CCDC170: variants seen among roughly 807,000 people sequenced by gnomAD.
The protein encoded by CCDC170 is coiled-coil domain containing 170.
A neutral mutation model predicts 72.6 loss-of-function variants in CCDC170; 69 were observed. That is an observed-to-expected ratio of 0.95 (90% CI 0.78 to 1.16). CCDC170 has a LOEUF of 1.16. Ranked by LOEUF, CCDC170 falls within the 50% of genes most tolerant of loss-of-function variation. CCDC170 has a pLI of 0.00. For missense variants in CCDC170, 852 were observed against 832.5 expected (o/e 1.02, Z -0.29); for synonymous variants, 300 against 303.9 (o/e 0.99, Z 0.13).
chr6:151,508,705 T>G (rs1782099667), intron 1 of CCDC170, among the ~76,000 whole-genome samples: 1 of 149,168 alleles, frequency 6.7e-6, no homozygotes, highest in South Asian at 2.1e-4. Flanking sequence ...AGAGTGAGAC[T>G]CTGTCTCAAA....
Position 151,573,205 on chromosome 6 carries a change from CT to C in CCDC170, c.807del (p.Glu271LysfsTer25). 6.2e-7 allele frequency: 1 copy of C among 1,613,652 alleles called. No homozygotes were observed. The highest frequency in any genetic ancestry group is 2.2e-5 in the East Asian group (1 of 44,870). ...CTCAGTGCTGTAGAAGCAAAAGAAG[CT>C]CTTGAAAGGGAAGTTAAGATCTTCC... is the stretch of plus-strand genomic sequence containing the variant. ...DLLSAVEAKE[A>X]LEREVKIFQE... is the part of the protein sequence containing the mutation. On this transcript the variant is annotated frameshift_variant, in exon 6 of 11. Transcript: ENST00000239374. LOFTEE classifies it high-confidence loss of function.
rs375627254 is a variant in CCDC170, at chr6:151,536,396, C to T, written c.136C>T (p.Arg46Ter). The T allele has an allele frequency of 8.1e-6, 13 of 1,613,946 alleles. No individual in the cohort carries two copies. The highest frequency in any genetic ancestry group is 1.1e-5 in the South Asian group (1 of 91,070). Reference protein sequence around the residue: ...NHYRNVAQNARSELAATLVKF... With the variant: ...NHYRNVAQNA ...CTATCGGAATGTGGCTCAAAATGCTCGAAGTGAACTTGCAGCAACTTTGGT... is the reference window on the plus strand; with the variant it reads ...CTATCGGAATGTGGCTCAAAATGCTTGAAGTGAACTTGCAGCAACTTTGGT... Residue 46 changes from arginine (R) to a stop codon, truncating the protein, a stop_gained, in exon 2 of 11, where the codon CGA becomes TGA. Transcript: ENST00000239374. LOFTEE classifies it high-confidence loss of function.
At chr6:151,582,157 A>G (rs1776387063) in intron 6 of CCDC170, among the ~76,000 whole-genome samples, 1 of 152,228 alleles carries the variant, frequency 6.6e-6, no homozygotes, top group Non-Finnish European at 1.5e-5. Context: ...TTAGCTATGA[A>G]AGTCCTAAAT....
intron 6 of CCDC170, among the ~76,000 whole-genome samples, chr6:151,583,911 T>C (rs999990183): frequency 2.0e-5 from 3 of 152,220 alleles, no homozygotes; most frequent in Non-Finnish European, 4.4e-5. Flanking sequence ...ACATGTATCA[T>C]TTAAGTTCAC....
intron 5 of CCDC170, among the ~76,000 whole-genome samples, chr6:151,570,561 G>A (rs547357927): frequency 6.6e-6 from 1 of 152,214 alleles, no homozygotes; most frequent in Non-Finnish European, 1.5e-5. Flanking sequence ...AGAAGAATAT[G>A]TGTAGCTTAT....
intron 7 of CCDC170, among the ~76,000 whole-genome samples, chr6:151,591,933 C>T (rs1320292280): frequency 6.6e-6 from 1 of 152,128 alleles, no homozygotes; most frequent in African/African-American, 2.4e-5. Flanking sequence ...AGTAAAGTGG[C>T]AACTGGCTAA....
intron 9 of CCDC170, among the ~76,000 whole-genome samples, chr6:151,611,777 C>A (rs570758295): frequency 6.6e-6 from 1 of 152,240 alleles, no homozygotes; most frequent in African/African-American, 2.4e-5. Context: ...ATGGTGTGGT[C>A]TCTGCTCACT....
In CCDC170 at chr6:151,494,177, G is replaced by A; in HGVS notation, c.49G>A (p.Ala17Thr). The A allele has an allele frequency of 6.6e-7, 1 of 1,517,144 alleles. No homozygotes were observed. Among genetic ancestry groups the A allele is most frequent in the Non-Finnish European group, 8.8e-7 (1 of 1,136,442 alleles). The allele number at this position is 1,517,144 out of a possible 1,614,324, so 94.0% of individuals were successfully genotyped here. ...TATCGCGCTGGGTGCCGCTTCGCCA[G>A]CGCCCGAGGTACGGTCCCAGCCGCC... ...SHIALGAASP[A>T]PEETYDHLSE... The change falls in exon 1 of 11, where the codon GCG becomes ACG. Residue 17 changes from alanine to threonine, a missense_variant. Ala to Thr is a moderately conservative substitution (Grantham distance 58). Coordinates refer to ENST00000239374, the MANE Select transcript of CCDC170 (RefSeq NM_025059.4).
chr6:151,532,254 A>C (rs751536989), intron 1 of CCDC170, among the ~76,000 whole-genome samples: 1 of 152,240 alleles, frequency 6.6e-6, no homozygotes, highest in Non-Finnish European at 1.5e-5. Context: ...AATATGACAA[A>C]AAGATAATAT....
chr6:151,547,583 A>G (rs1782797191), intron 4 of CCDC170, among the ~76,000 whole-genome samples: 1 of 152,114 alleles, frequency 6.6e-6, no homozygotes, highest in African/African-American at 2.4e-5. Context: ...TTGAGGCTCA[A>G]AGGTATATCA....
intron 5 of CCDC170, among the ~76,000 whole-genome samples, chr6:151,558,483 C>T (rs962933998): frequency 1.3e-5 from 2 of 152,020 alleles, no homozygotes; most frequent in African/African-American, 4.8e-5. Context: ...TAGCCAATGT[C>T]TTGAAGTGTT....
intron 1 of CCDC170, among the ~76,000 whole-genome samples, chr6:151,529,615 C>A (rs1329036738): frequency 2.0e-5 from 3 of 152,130 alleles, no homozygotes; most frequent in Non-Finnish European, 4.4e-5. Context: ...TGACATAGAG[C>A]CACTGCACTC....
intron 1 of CCDC170, among the ~76,000 whole-genome samples, chr6:151,505,968 GT>G (rs1218565342): frequency 2.0e-4 from 31 of 152,276 alleles, no homozygotes; most frequent in African/African-American, 7.2e-4. Context: ...GGGCATGGTG[GT>G]GTGTGCCTGT....
rs533302029 is a variant in CCDC170 at position 151,515,463 on chromosome 6, A to C, written c.58-20855A>C. Among the ~76,000 whole-genome samples, 26 of 152,254 alleles carry C rather than the reference A, an allele frequency of 1.7e-4. No individual in the cohort carries two copies. In the South Asian group the frequency reaches 5.4e-3, roughly 32 times the overall value. On this transcript the variant is annotated intron_variant, in intron 1 of 10. Transcript: ENST00000239374. ...ACACCTGGCTAATTTTTGTATTTTT[A>C]GTAGAGACAGGGTCTCACCATATTG... is the stretch of plus-strand genomic sequence containing the variant.
At position 151,517,920 on chromosome 6, in the gene CCDC170, C is replaced by CT. The variant is rs530942070; in HGVS notation, c.58-18386dup. On this transcript the variant is annotated intron_variant, in intron 1 of 10. Coordinates refer to ENST00000239374, the MANE Select transcript of CCDC170 (RefSeq NM_025059.4). The stretch of plus-strand genomic sequence containing the variant: ...AATTTTTCTTTACGGCCATTTGCTT[C>CT]TTTTTTTTTTTTCATTCTTTCTTGT... Among the ~76,000 whole-genome samples the CT allele has an allele frequency of 2.9e-3, 423 of 144,608 alleles. 3 individuals carry two copies. Among genetic ancestry groups the CT allele is most frequent in the African/African-American group, 7.7e-3 (307 of 39,616 alleles). 94.9% of individuals were successfully genotyped at this position (144,608 alleles called of 152,430 possible).
intron 5 of CCDC170, among the ~76,000 whole-genome samples, chr6:151,566,431 T>G (rs1454874671): frequency 3.3e-5 from 5 of 152,178 alleles, no homozygotes; most frequent in African/African-American, 1.2e-4. Flanking sequence ...TTTTCCTTAT[T>G]TCCAGTCCAT....
intron 5 of CCDC170, among the ~76,000 whole-genome samples, chr6:151,558,678 A>G (rs1783027667): frequency 6.6e-6 from 1 of 152,156 alleles, no homozygotes; most frequent in Non-Finnish European, 1.5e-5. Context: ...TATGCTTGGC[A>G]CCATTGTTGA....
intron 6 of CCDC170, among the ~76,000 whole-genome samples, chr6:151,581,224 C>A (rs888206481): frequency 6.6e-6 from 1 of 152,114 alleles, no homozygotes; most frequent in Admixed American, 6.5e-5. Flanking sequence ...TATTTGATAG[C>A]GCTTTACCAA....
At chr6:151,520,441 C>A (rs978716225) in intron 1 of CCDC170, among the ~76,000 whole-genome samples, 1 of 152,232 alleles carries the variant, frequency 6.6e-6, no homozygotes, top group Non-Finnish European at 1.5e-5. Context: ...AACCTTTAAG[C>A]TGTCCTTGTT....
Sources: gnomAD v4.1 joint callset for allele counts (sites outside exome capture counted in the v4.1 genomes callset) on GRCh38, gnomAD v4.1.1 for gene constraint, MANE v1.5 for transcripts, NCBI Gene and HGNC (gene_info 2026-07-23, HGNC 2026-07-21) for gene names.